ANKMY1: variants seen among roughly 807,000 people sequenced by gnomAD.
The protein encoded by ANKMY1 is ankyrin repeat and MYND domain containing 1.
Under a neutral mutation model 102.0 loss-of-function variants are expected in ANKMY1, and 98 were observed. That is an observed-to-expected ratio of 0.96 (90% CI 0.82 to 1.14). ANKMY1 has a LOEUF of 1.14. Ranked by LOEUF, ANKMY1 falls within the 50% of genes most tolerant of loss-of-function variation. The pLI is 0.00. For missense variants in ANKMY1, 1,330 were observed against 1,347.6 expected, an observed-to-expected ratio of 0.99 and a Z score of 0.20; for synonymous variants, 582 against 559.9, an observed-to-expected ratio of 1.04 and a Z score of -0.56.
chr2:240,531,658 T>C (rs2085420215), intron 4 of ANKMY1, among the ~76,000 whole-genome samples: 1 of 152,150 alleles, frequency 6.6e-6, no homozygotes, highest in Admixed American at 6.5e-5. Flanking sequence ...AAATTGTATG[T>C]ATATAAAATT....
At position 240,520,594 on chromosome 2, in the gene ANKMY1, C is replaced by T. The variant is rs756107777; in HGVS notation, c.1833-61G>A. 6 of 1,535,682 alleles carry T rather than the reference C, an allele frequency of 3.9e-6. No individual in the cohort carries two copies. In the South Asian group the frequency reaches 6.2e-5, roughly 16 times the overall value. On this transcript the variant is annotated intron_variant, in intron 8 of 17. Transcript: ENST00000401804. This position sits in a 1 kb window ranked among gnomAD's most constrained non-coding sequence, Gnocchi z 4.8. ...GCAGGCACCTGCACTGCGCCCAGAA[C>T]GGGGCCATGCCAGCGAGGAGGCTGG...
rs761003937 is a variant in ANKMY1, at chr2:240,500,092, G to C, written c.2672C>G (p.Thr891Arg). 2 of 1,609,462 alleles carry C rather than the reference G, an allele frequency of 1.2e-6. No individual in the cohort carries two copies. The highest frequency in any genetic ancestry group is 2.2e-5 in the East Asian group (1 of 44,688). The change falls in exon 15 of 18, where the codon ACG becomes AGG. Residue 891 changes from threonine (T) to arginine (R), a missense_variant. Coordinates refer to ENST00000401804, the MANE Select transcript of ANKMY1 (RefSeq NM_001282771.3). ...DRRIARCPFH[T>R]LMPAERETFL... ...CGTCTCGCGCTCTGCTGGCATCAGC[G>C]TGTGGAAGGGGCAGCGGGCAATCCT...
At chr2:240,496,430 A>G (rs2077281314) in intron 15 of ANKMY1, among the ~76,000 whole-genome samples, 1 of 151,838 alleles carries the variant, frequency 6.6e-6, no homozygotes, top group Non-Finnish European at 1.5e-5. Context: ...GATGGTGTCC[A>G]CTTTCCCCTG....
At chr2:240,500,274 T>G (rs2077955463) in intron 14 of ANKMY1, 151 bp from the exon 15 acceptor site, 6 of 1,206,894 alleles carry the variant, frequency 5.0e-6, no homozygotes, top group Non-Finnish European at 5.7e-6. Flanking sequence ...CACATACAGC[T>G]GCACCTGGCA....
At chr2:240,509,600 G>T in intron 11 of ANKMY1, 145 bp from the exon 12 acceptor site, 1 of 611,608 alleles carries the variant, frequency 1.6e-6, no homozygotes, top group Non-Finnish European at 2.9e-6. Context: ...GACACAAGGT[G>T]TTCAAAATTG....
chr2:240,494,492 C>T (rs764033818), intron 15 of ANKMY1, among the ~76,000 whole-genome samples: 2 of 152,174 alleles, frequency 1.3e-5, no homozygotes, highest in Non-Finnish European at 2.9e-5. Flanking sequence ...CACTTCCTAG[C>T]CCCTACTGTG....
chr2:240,477,630 G>T (rs3922420), downstream of ANKMY1, among the ~76,000 whole-genome samples: 119,263 of 152,046 alleles, frequency 0.78, 46,878 homozygotes, highest in East Asian at 0.96. Flanking sequence ...CAAGCAATCC[G>T]CCTGCCTCGG....
chr2:240,522,889 C>T (rs995744841), intron 8 of ANKMY1: 4 of 152,222 alleles, frequency 2.6e-5, no homozygotes, highest in Non-Finnish European at 5.9e-5. Context: ...TTCTGCTATT[C>T]ACTTGAAAAT....
chr2:240,495,731 A>T (rs1559248253), intron 15 of ANKMY1, among the ~76,000 whole-genome samples: 1 of 152,038 alleles, frequency 6.6e-6, no homozygotes, highest in Non-Finnish European at 1.5e-5. Context: ...GCTGTCTTTT[A>T]TCTTTTTGTC....
In ANKMY1 at chr2:240,552,951, C is replaced by T. The variant is rs1192329369; in HGVS notation, c.443G>A (p.Gly148Asp). Residue 148 changes from glycine (G) to aspartate (D), a missense_variant, in exon 4 of 18, where the codon GGC (glycine) becomes GAC (aspartate). Transcript: ENST00000401804. ...TGTCTTCATGTACATGGTGCCGTAG[C>T]CTTCTCGGTGGCTGAGGTAAAATGT... ...TGTFYLSHREGYGTMYMKTRL... is the reference protein window; with the variant it reads ...TGTFYLSHREDYGTMYMKTRL... 2 of 1,613,950 alleles carry T rather than the reference C, an allele frequency of 1.2e-6. No homozygotes were observed. Among genetic ancestry groups the T allele is most frequent in the Non-Finnish European group, 1.7e-6 (2 of 1,180,044 alleles).
intron 4 of ANKMY1, among the ~76,000 whole-genome samples, chr2:240,541,801 G>A (rs914513744): frequency 3.9e-5 from 6 of 152,054 alleles, no homozygotes; most frequent in African/African-American, 9.7e-5. Flanking sequence ...CACGCTGGGC[G>A]TATGTTGCTG....
At chr2:240,486,604 A>G (rs911107666) in intron 15 of ANKMY1, among the ~76,000 whole-genome samples, 1 of 152,232 alleles carries the variant, frequency 6.6e-6, no homozygotes, top group African/African-American at 2.4e-5. Context: ...CATGTTTGCA[A>G]GTTAACTTGC....
Position 240,512,003 on chromosome 2 carries a change from T to G in ANKMY1, c.2146-2A>C. ...CAGACTTGAGGGCAGCAGGTCCAGCTGTGTAAAACGGAGGGCTCCGCCAGC... is the reference window on the plus strand; with the variant it reads ...CAGACTTGAGGGCAGCAGGTCCAGCGGTGTAAAACGGAGGGCTCCGCCAGC... On this transcript the variant is annotated splice_acceptor_variant, in intron 10 of 17. Coordinates refer to ENST00000401804, the MANE Select transcript of ANKMY1 (RefSeq NM_001282771.3). LOFTEE classifies it high-confidence loss of function. The G allele has an allele frequency of 6.5e-7, 1 of 1,538,060 alleles. No individual in the cohort carries two copies. The highest frequency in any genetic ancestry group is 8.7e-7 in the Non-Finnish European group (1 of 1,153,518).
At chr2:240,556,216 G>A (rs72999907) in intron 2 of ANKMY1, among the ~76,000 whole-genome samples, 12,670 of 152,224 alleles carry the variant, frequency 0.083, 694 homozygotes, top group Non-Finnish European at 0.12. Context: ...AGGGCTTGTG[G>A]GGTGCCTGCA....
chr2:240,490,695 C>T (rs987821065), intron 15 of ANKMY1, among the ~76,000 whole-genome samples: 2 of 152,054 alleles, frequency 1.3e-5, no homozygotes, highest in African/African-American at 2.4e-5. Flanking sequence ...TGAGAAGATA[C>T]CTGGTATGAT....
At position 240,557,260 on chromosome 2, in the gene ANKMY1, C is replaced by A; in HGVS notation, c.76G>T (p.Gly26Trp). ...GCAGCAGGGGTCTCGCCGCCCTTCC[C>A]CTCTAGCGGGCGTTGGCGGCTGCCA... ...GAGSRQRPLE[G>W]KGGETPAAEE... Residue 26 changes from glycine (G) to tryptophan (W), a missense_variant, in exon 2 of 18, where the codon GGG (glycine) becomes TGG (tryptophan). Coordinates refer to ENST00000401804, the MANE Select transcript of ANKMY1 (RefSeq NM_001282771.3). 6.3e-7 allele frequency: 1 copy of A among 1,595,310 alleles called. No individual in the cohort carries two copies. The highest frequency in any genetic ancestry group is 8.5e-7 in the Non-Finnish European group (1 of 1,170,298).
At chr2:240,524,471 GC>G in intron 7 of ANKMY1, 90 bp from the exon 8 acceptor site, 4 of 1,420,250 alleles carry the variant, frequency 2.8e-6, no homozygotes, top group Non-Finnish European at 3.8e-6. Flanking sequence ...AATGCCCGTG[GC>G]CTAGAGCTGT....
At chr2:240,559,382 G>C (rs2092743598), upstream of ANKMY1, among the ~76,000 whole-genome samples, 1 of 152,206 alleles carries the variant, frequency 6.6e-6, no homozygotes, top group Non-Finnish European at 1.5e-5. Context: ...CATCTCCTCT[G>C]CTTTCACCCA....
chr2:240,487,222 A>C (rs2076155466), intron 15 of ANKMY1, among the ~76,000 whole-genome samples: 1 of 152,246 alleles, frequency 6.6e-6, no homozygotes, highest in Admixed American at 6.5e-5. Flanking sequence ...ATAAGTGAGA[A>C]CATATGATAT....
Sources: allele counts gnomAD v4.1 joint callset (sites outside exome capture counted in the v4.1 genomes callset), GRCh38; gene constraint gnomAD v4.1.1; non-coding constraint Gnocchi (gnomAD v3.1); transcripts MANE v1.5; gene names NCBI Gene and HGNC (gene_info 2026-07-23, HGNC 2026-07-21).